The following PTPRD variants were observed in gnomAD, a reference collection of about 807,000 sequenced individuals.
The protein encoded by PTPRD is protein tyrosine phosphatase receptor type D.
Under a neutral mutation model 214.5 loss-of-function variants are expected in PTPRD, and 34 were observed. That is an observed-to-expected ratio of 0.16 (90% CI 0.12 to 0.21). The LOEUF is 0.21. Ranked by LOEUF, PTPRD falls within the 10% of genes least tolerant of loss-of-function variation. The pLI, the probability that PTPRD is intolerant of heterozygous loss-of-function variation, is 1.00. For synonymous variants in PTPRD, 1,128 were observed against 845.7 expected, an observed-to-expected ratio of 1.33 and a Z score of -5.79; for missense variants, 2,545 against 2,398.7, an observed-to-expected ratio of 1.06 and a Z score of -1.27.
chr9:9,906,010 G>C (rs2077482057), intron 5 of PTPRD, among the ~76,000 whole-genome samples: 1 of 151,928 alleles, frequency 6.6e-6, no homozygotes, highest in Non-Finnish European at 1.5e-5. Context: ...AGAAGTCTTT[G>C]TAACTTGAAG....
At chr9:9,666,616 C>T (rs944439512) in intron 7 of PTPRD, among the ~76,000 whole-genome samples, 1 of 151,936 alleles carries the variant, frequency 6.6e-6, no homozygotes, top group Admixed American at 6.6e-5. Context: ...AATAAGTTGG[C>T]AAATTGTATC....
intron 11 of PTPRD, among the ~76,000 whole-genome samples, chr9:8,792,393 C>G (rs533796706): frequency 6.6e-6 from 1 of 152,146 alleles, no homozygotes; most frequent in Non-Finnish European, 1.5e-5. Flanking sequence ...CTAGTTTATA[C>G]GGAGCCAAGG....
chr9:8,454,553 T>C, intron 33 of PTPRD: 1 of 1,612,550 alleles, frequency 6.2e-7, no homozygotes, highest in Non-Finnish European at 8.5e-7. Flanking sequence ...TACTGAACAT[T>C]AAAGGGGTTT....
intron 3 of PTPRD, among the ~76,000 whole-genome samples, chr9:10,122,005 T>C (rs1471937153): frequency 6.6e-6 from 1 of 152,188 alleles, no homozygotes; most frequent in Admixed American, 6.5e-5. Flanking sequence ...CGGGCTTTTA[T>C]GTACTTAAAC....
intron 2 of PTPRD, among the ~76,000 whole-genome samples, chr9:10,388,254 A>G (rs1217956252): frequency 6.6e-6 from 1 of 151,876 alleles, no homozygotes; most frequent in East Asian, 2.0e-4. Flanking sequence ...CAAAGATATT[A>G]GCTTTATATA....
At chr9:9,886,992 T>C (rs902100961) in intron 5 of PTPRD, among the ~76,000 whole-genome samples, 6 of 151,922 alleles carry the variant, frequency 3.9e-5, no homozygotes, top group African/African-American at 1.5e-4. Flanking sequence ...AAATTCCTGA[T>C]CCACAACAAA....
intron 3 of PTPRD, among the ~76,000 whole-genome samples, chr9:10,324,658 T>A (rs1406993907): frequency 1.3e-5 from 2 of 152,040 alleles, no homozygotes; most frequent in Non-Finnish European, 2.9e-5. Context: ...CAGCGCATTT[T>A]CTGATAGAAT....
intron 7 of PTPRD, among the ~76,000 whole-genome samples, chr9:9,624,704 C>T (rs1156393194): frequency 1.3e-5 from 2 of 152,072 alleles, no homozygotes; most frequent in African/African-American, 2.4e-5. Context: ...TCAAACATCT[C>T]AGTGGGATCG....
chr9:10,117,612 G>GTTTTTTTTTT (rs35593505), intron 3 of PTPRD, among the ~76,000 whole-genome samples: 4,303 of 144,340 alleles, frequency 0.03, 105 homozygotes, highest in Admixed American at 0.069. Context: ...AAATCTCCCC[G>GTTTTTTTTTT]TTTTTTTTTT....
chr9:9,600,549 T>A (rs555086079), intron 7 of PTPRD, among the ~76,000 whole-genome samples: 2 of 152,056 alleles, frequency 1.3e-5, no homozygotes. Flanking sequence ...GTGTGTGGTG[T>A]TCAAGAGGAA....
chr9:8,407,884 C>A (rs1012918086), intron 35 of PTPRD, among the ~76,000 whole-genome samples: 1 of 152,164 alleles, frequency 6.6e-6, no homozygotes, highest in Non-Finnish European at 1.5e-5. Flanking sequence ...TGGAGCTTGT[C>A]AGAATGCTGA....
rs151086053 is a variant in PTPRD at position 9,960,297 on chromosome 9, A to G, written c.-471-21687T>C. Among the ~76,000 whole-genome samples the G allele has an allele frequency of 7.7e-3, 1,164 of 152,154 alleles. 10 individuals are homozygous for G. Among genetic ancestry groups the G allele is most frequent in the African/African-American group, 0.026 (1,091 of 41,518 alleles). On this transcript the variant is annotated intron_variant, in intron 4 of 45. Transcript: ENST00000381196. ...AGCTCCCAATGGCCAAAGCTATGAC[A>G]GCTTGAATAACAAAATAAATAAGAG... is the stretch of plus-strand genomic sequence containing the variant.
chr9:9,359,904 T>G (rs1479216200), intron 9 of PTPRD, among the ~76,000 whole-genome samples: 1 of 151,260 alleles, frequency 6.6e-6, no homozygotes. Context: ...TACTACAGAT[T>G]AGAGAAAATG....
At chr9:10,321,795 C>T (rs2096557528) in intron 3 of PTPRD, among the ~76,000 whole-genome samples, 1 of 151,990 alleles carries the variant, frequency 6.6e-6, no homozygotes. Context: ...TGGCTGACTC[C>T]TATGAAATTC....
intron 7 of PTPRD, among the ~76,000 whole-genome samples, chr9:9,626,567 C>A (rs555386394): frequency 1.3e-5 from 2 of 151,816 alleles, no homozygotes; most frequent in African/African-American, 2.4e-5. Context: ...AAGGAAGGGA[C>A]GGAGAAAAGG....
intron 11 of PTPRD, among the ~76,000 whole-genome samples, chr9:8,924,159 AT>A (rs2098847626): frequency 6.6e-6 from 1 of 152,274 alleles, no homozygotes; most frequent in East Asian, 1.9e-4. Context: ...CACACCTATG[AT>A]TCAGTGCTTC....
chr9:9,953,816 T>C (rs962057481), intron 4 of PTPRD, among the ~76,000 whole-genome samples: 3 of 152,148 alleles, frequency 2.0e-5, no homozygotes, highest in South Asian at 2.1e-4. Flanking sequence ...CTTCCCGCCA[T>C]AGGGTTTTAT....
chr9:8,608,911 G>T (rs1361312352), intron 14 of PTPRD, among the ~76,000 whole-genome samples: 1 of 152,106 alleles, frequency 6.6e-6, no homozygotes, highest in Admixed American at 6.5e-5. Context: ...AAGTCAAGTG[G>T]TTGAGGCATT....
intron 11 of PTPRD, among the ~76,000 whole-genome samples, chr9:8,866,933 C>T (rs557730634): frequency 6.4e-4 from 97 of 152,202 alleles, no homozygotes; most frequent in African/African-American, 2.2e-3. Flanking sequence ...ATGACCAGTT[C>T]GATCCATTAA....
Sources: allele counts gnomAD v4.1 joint callset (sites outside exome capture counted in the v4.1 genomes callset), GRCh38; gene constraint gnomAD v4.1.1; transcripts MANE v1.5; gene names NCBI Gene and HGNC (gene_info 2026-07-23, HGNC 2026-07-21).